The following KLF17 variants were observed in gnomAD, a reference collection of about 807,000 sequenced individuals.
The protein encoded by KLF17 is Krueppel-like factor 17.
Under a neutral mutation model 34.2 loss-of-function variants are expected in KLF17, and 31 were observed. That is an observed-to-expected ratio of 0.91 (90% CI 0.68 to 1.22). The LOEUF (loss-of-function observed/expected upper bound fraction) is 1.22. Among genes scored for constraint, KLF17 ranks in the 50% most tolerant of loss-of-function variants. The pLI is 0.00. For synonymous variants in KLF17, 179 were observed against 186.7 expected (o/e 0.96, Z 0.34); for missense variants, 478 against 505.2 (o/e 0.95, Z 0.52).
At chr1:44,079,532 G>A in the KLF17 span, among the ~76,000 whole-genome samples, 2 of 151,892 alleles carry the variant, frequency 1.3e-5, no homozygotes, top group Middle Eastern at 6.8e-3. Context: ...CAAACTCCTG[G>A]GCTCAAGCGA....
the KLF17 span, chr1:44,103,330 C>T: frequency 3.3e-6 from 1 of 306,504 alleles, no homozygotes; most frequent in Non-Finnish European, 6.0e-6. Context: ...CGTCAAAGGA[C>T]TCGGACACCG....
chr1:44,129,831 C>G lies in KLF17; in HGVS notation c.560C>G (p.Ser187Cys), dbSNP rs1415025608. 32 of 1,614,096 alleles carry G rather than the reference C, an allele frequency of 2.0e-5. No homozygotes were observed. Among genetic ancestry groups the G allele is most frequent in the Non-Finnish European group, 2.3e-5 (27 of 1,180,052 alleles). ...VPYPGLSTVP[S>C]DETLLGPTVP... ...TACCCTGGCCTCTCGACAGTACCTT[C>G]TGACGAAACATTGTTGGGCCCGACT... The change falls in exon 2 of 4, where the codon TCT (serine) becomes TGT (cysteine). Residue 187 changes from serine (S) to cysteine (C), a missense_variant. Ser to Cys is a moderately radical substitution (Grantham distance 112). Coordinates refer to ENST00000372299, the MANE Select transcript of KLF17 (RefSeq NM_173484.4).
the KLF17 span, among the ~76,000 whole-genome samples, chr1:44,054,537 G>A: frequency 1.4e-5 from 2 of 141,818 alleles, no homozygotes; most frequent in Non-Finnish European, 3.0e-5. Flanking sequence ...CTGGAGTGCA[G>A]TGGTGTGATC....
At chr1:44,061,622 T>TAA in the KLF17 span, among the ~76,000 whole-genome samples, 5 of 152,242 alleles carry the variant, frequency 3.3e-5, no homozygotes, top group East Asian at 9.7e-4. Context: ...TGCATGTAAT[T>TAA]AAAAATGGGT....
the KLF17 span, among the ~76,000 whole-genome samples, chr1:44,100,257 CAAA>C: frequency 5.6e-5 from 5 of 89,090 alleles, no homozygotes; most frequent in African/African-American, 1.2e-4. Context: ...GACTCCATCT[CAAA>C]AAAAAAAAAA....
At chr1:44,051,034 A>G in the KLF17 span, 1 of 152,182 alleles carries the variant, frequency 6.6e-6, no homozygotes, top group Non-Finnish European at 1.5e-5. Flanking sequence ...TTGCAGCAAC[A>G]TGGCACCAAA....
the KLF17 span, among the ~76,000 whole-genome samples, chr1:44,107,699 G>A: frequency 9.9e-5 from 15 of 151,996 alleles, no homozygotes; most frequent in South Asian, 6.3e-4. Context: ...CAACTGTTGC[G>A]GTATCACAGT....
chr1:44,045,501 C>T, the KLF17 span, among the ~76,000 whole-genome samples: 1 of 152,184 alleles, frequency 6.6e-6, no homozygotes. Context: ...TCCAGACTCT[C>T]TTCTCCTTTT....
the KLF17 span, chr1:44,088,041 G>T: frequency 4.6e-6 from 1 of 218,392 alleles, no homozygotes; most frequent in South Asian, 8.1e-5. Context: ...AATGGCACAG[G>T]AGAAGAGCTG....
the KLF17 span, among the ~76,000 whole-genome samples, chr1:44,084,445 AGGT>A: frequency 2.0e-5 from 3 of 152,072 alleles, no homozygotes; most frequent in Non-Finnish European, 4.4e-5. Context: ...TGGGAAGCCA[AGGT>A]GGGAGGATTG....
chr1:44,130,824 T>C, intron 3 of KLF17, 68 bp downstream of exon 3: 1 of 1,485,742 alleles, frequency 6.7e-7, no homozygotes, highest in Non-Finnish European at 9.2e-7. Flanking sequence ...TGAGACGGAG[T>C]CTCACTCTGT....
At chr1:44,105,982 A>G in the KLF17 span, among the ~76,000 whole-genome samples, 49,146 of 151,850 alleles carry the variant, frequency 0.32, 8,113 homozygotes, top group South Asian at 0.37. Flanking sequence ...TGGGCAACAT[A>G]GTGAGATCCC....
the KLF17 span, among the ~76,000 whole-genome samples, chr1:44,074,473 C>T: frequency 0.081 from 12,401 of 152,212 alleles, 506 homozygotes; most frequent in African/African-American, 0.1. Flanking sequence ...ATCTCTGCCA[C>T]CATACCTTCC....
At chr1:44,055,633 A>G in the KLF17 span, among the ~76,000 whole-genome samples, 1 of 152,194 alleles carries the variant, frequency 6.6e-6, no homozygotes, top group Non-Finnish European at 1.5e-5. Context: ...CTTCTCAGGT[A>G]GACCCCTCTG....
the KLF17 span, among the ~76,000 whole-genome samples, chr1:44,091,710 G>A: frequency 6.7e-6 from 1 of 149,326 alleles, no homozygotes; most frequent in Non-Finnish European, 1.5e-5. Context: ...ATGAAGGTCA[G>A]AAAGACAAAA....
At chr1:44,118,384 G>T (rs1489507383), upstream of KLF17, among the ~76,000 whole-genome samples, 1 of 152,186 alleles carries the variant, frequency 6.6e-6, no homozygotes, top group Non-Finnish European at 1.5e-5. Context: ...AGGGACAGAG[G>T]TGCACAGACT....
At chr1:44,047,406 G>C in the KLF17 span, among the ~76,000 whole-genome samples, 1 of 152,184 alleles carries the variant, frequency 6.6e-6, no homozygotes, top group East Asian at 1.9e-4. Context: ...AGGGAGGGAG[G>C]AGGAGGACAG....
chr1:44,090,953 C>G, the KLF17 span, among the ~76,000 whole-genome samples: 193 of 129,770 alleles, frequency 1.5e-3, no homozygotes, highest in African/African-American at 5.0e-3. Flanking sequence ...CACACACACG[C>G]ACGCATGCAC....
the KLF17 span, among the ~76,000 whole-genome samples, chr1:44,060,371 G>A: frequency 1.1e-4 from 16 of 152,298 alleles, 1 homozygote; most frequent in South Asian, 2.9e-3. Flanking sequence ...AGGAGGCTGA[G>A]GCAGGTGAAT....
Sources: gnomAD v4.1 joint callset for allele counts (sites outside exome capture counted in the v4.1 genomes callset) on GRCh38, gnomAD v4.1.1 for gene constraint, MANE v1.5 for transcripts, NCBI Gene and HGNC (gene_info 2026-07-23, HGNC 2026-07-21) for gene names.